ZCCHC24: variants seen among roughly 807,000 people sequenced by gnomAD.
ZCCHC24 encodes zinc finger CCHC domain-containing protein 24.
In ZCCHC24, 10 loss-of-function variants were observed where a neutral mutation model predicts 26.2. The observed-to-expected ratio is 0.38, with a 90% confidence interval of 0.24 to 0.65. The LOEUF is 0.65. Among genes scored for constraint, ZCCHC24 ranks in the 30% least tolerant of loss-of-function variants. ZCCHC24 has a pLI of 0.54. For missense variants in ZCCHC24, 243 were observed against 329.1 expected (o/e 0.74, Z 2.03); for synonymous variants, 144 against 147.1 (o/e 0.98, Z 0.15).
chr10:79,401,592 C>A (rs544315620), intron 2 of ZCCHC24, among the ~76,000 whole-genome samples: 1 of 152,208 alleles, frequency 6.6e-6, no homozygotes, highest in African/African-American at 2.4e-5. Context: ...GGGAAGGGGC[C>A]GCTGTTCTCA....
chr10:79,384,218 G>A lies in ZCCHC24; in HGVS notation c.*2127C>T, dbSNP rs2132168266. 1 of 152,530 alleles carries A rather than the reference G, an allele frequency of 6.6e-6. No homozygotes were observed. The highest frequency in any genetic ancestry group is 1.5e-5 in the Non-Finnish European group (1 of 68,078). The allele number at this position is 152,530 out of a possible 1,614,324, so 9.4% of individuals were successfully genotyped here. Reference sequence around the variant, plus strand: ...TGGGGTGATATCCCAACTCCCCTTAGCCCGTGCAGGGAAGCCCTGGCCTCC... The same window carrying A: ...TGGGGTGATATCCCAACTCCCCTTAACCCGTGCAGGGAAGCCCTGGCCTCC... On this transcript the variant is annotated 3_prime_UTR_variant, in exon 4 of 4. Coordinates refer to ENST00000372336, the MANE Select transcript of ZCCHC24 (RefSeq NM_153367.4).
At chr10:79,431,941 G>A (rs1353026957) in intron 2 of ZCCHC24, among the ~76,000 whole-genome samples, 1 of 152,220 alleles carries the variant, frequency 6.6e-6, no homozygotes, top group Non-Finnish European at 1.5e-5. Flanking sequence ...GGCCCACTCT[G>A]TCATACTGAA....
At chr10:79,394,614 G>A (rs1856520855) in intron 2 of ZCCHC24, 174 bp from the exon 3 acceptor site, 21 of 985,334 alleles carry the variant, frequency 2.1e-5, no homozygotes, top group Admixed American at 6.1e-5. Flanking sequence ...ACGGGAATCC[G>A]AAGGCTGGGA....
intron 2 of ZCCHC24, among the ~76,000 whole-genome samples, chr10:79,413,145 G>A (rs1052446884): frequency 3.9e-5 from 6 of 152,228 alleles, no homozygotes; most frequent in Non-Finnish European, 8.8e-5. Context: ...ACCAGTGGGC[G>A]GTGGATGTGA....
intron 2 of ZCCHC24, among the ~76,000 whole-genome samples, chr10:79,419,184 A>G (rs1433602644): frequency 6.6e-6 from 1 of 152,214 alleles, no homozygotes; most frequent in Non-Finnish European, 1.5e-5. Context: ...CCCATCAGGT[A>G]CATGAGCCTC....
chr10:79,435,337 C>A (rs548157387), intron 1 of ZCCHC24, among the ~76,000 whole-genome samples: 2 of 152,126 alleles, frequency 1.3e-5, no homozygotes, highest in African/African-American at 4.8e-5. Context: ...GCACTAATTA[C>A]ACCCTGAAAA....
At chr10:79,403,643 GC>G (rs1176043252) in intron 2 of ZCCHC24, 1 of 970,326 alleles carries the variant, frequency 1.0e-6, no homozygotes, top group African/African-American at 1.8e-5. Context: ...TCTGCGCACA[GC>G]CGTCCTCGCC....
intron 2 of ZCCHC24, among the ~76,000 whole-genome samples, chr10:79,421,769 G>A (rs1027182624): frequency 2.0e-5 from 3 of 152,070 alleles, no homozygotes; most frequent in African/African-American, 7.2e-5. Flanking sequence ...TGGGATTATA[G>A]GTGTGCGCCA....
chr10:79,389,161 C>T (rs1471626171), intron 3 of ZCCHC24, among the ~76,000 whole-genome samples: 1 of 152,220 alleles, frequency 6.6e-6, no homozygotes, highest in Non-Finnish European at 1.5e-5. Context: ...AGGCACAGCG[C>T]TCTCCCCTGG....
In ZCCHC24 at chr10:79,383,666, TACAG is replaced by T. The variant is rs1428387348; in HGVS notation, c.*2675_*2678del. The T allele has an allele frequency of 6.6e-6, 1 of 151,486 alleles. No homozygotes were observed. Among genetic ancestry groups the T allele is most frequent in the Non-Finnish European group, 1.5e-5 (1 of 67,880 alleles). 9.4% of individuals were successfully genotyped at this position (151,486 alleles called of 1,614,324 possible). On this transcript the variant is annotated 3_prime_UTR_variant, in exon 4 of 4. Coordinates refer to ENST00000372336, the MANE Select transcript of ZCCHC24 (RefSeq NM_153367.4). The stretch of plus-strand genomic sequence containing the variant: ...TTTTAAAAAAAGGCCCTCAAATATA[TACAG>T]ACAAAAAATTACTGTGAAGATTTTT...
intron 2 of ZCCHC24, among the ~76,000 whole-genome samples, chr10:79,423,583 A>ATATATATATT (rs1554841866): frequency 2.1e-4 from 14 of 65,428 alleles, no homozygotes; most frequent in African/African-American, 7.9e-4. Context: ...TATATATACT[A>ATATATATATT]TATATATATA....
rs538221030 is a variant in ZCCHC24, at chr10:79,412,823, T to C, written c.448-18383A>G. Among the ~76,000 whole-genome samples, 5 of 152,282 alleles carry C rather than the reference T, an allele frequency of 3.3e-5. No homozygotes were observed. The East Asian group carries it at 9.6e-4, about 29-fold the overall frequency. On this transcript the variant is annotated intron_variant, in intron 2 of 3. Coordinates refer to ENST00000372336, the MANE Select transcript of ZCCHC24 (RefSeq NM_153367.4). ...ATGCTCTGAGCCTTGGTTTCCCCCG[T>C]GTAAGTAGGGATAATAAGATCGATC... is the stretch of plus-strand genomic sequence containing the variant.
rs542290047 is a variant in ZCCHC24 at position 79,385,247 on chromosome 10, C to G, written c.*1098G>C. 6.6e-6 allele frequency: 1 copy of G among 152,218 alleles called. No individual in the cohort carries two copies. Among genetic ancestry groups the G allele is most frequent in the Admixed American group, 6.5e-5 (1 of 15,280 alleles). The allele number at this position is 152,218 out of a possible 1,614,324, so 9.4% of individuals were successfully genotyped here. A position where few individuals can be genotyped will look rare whatever the true frequency, so the allele number is the denominator to read the frequency against. On this transcript the variant is annotated 3_prime_UTR_variant, in exon 4 of 4. Coordinates refer to ENST00000372336, the MANE Select transcript of ZCCHC24 (RefSeq NM_153367.4). This position sits in a 1 kb window ranked among gnomAD's most constrained non-coding sequence, Gnocchi z 4.3. ...AAGTGAAGGGTCACGATGCGGGGTA[C>G]CTGGCACCTGGGAGGTTTCTCCCAC...
chr10:79,428,429 T>TAA (rs1404878480), intron 2 of ZCCHC24, among the ~76,000 whole-genome samples: 1 of 37,438 alleles, frequency 2.7e-5, no homozygotes, highest in Non-Finnish European at 5.7e-5. Flanking sequence ...TTTTGCAAGA[T>TAA]AAATTTCAGT....
Position 79,432,546 on chromosome 10 carries a change from G to C in ZCCHC24, c.447+12C>G, listed in dbSNP as rs769728988. The C allele has an allele frequency of 1.0e-5, 16 of 1,592,644 alleles. No individual in the cohort carries two copies. Among genetic ancestry groups the C allele is most frequent in the Non-Finnish European group, 1.3e-5 (15 of 1,169,552 alleles). On this transcript the variant is annotated intron_variant, in intron 2 of 3. Transcript: ENST00000372336. ...GAGCCCAAGAGCACCCCCTGGGCCA[G>C]GGCTGCCTTACCTGGGGGCAGTCCT...
intron 2 of ZCCHC24, chr10:79,403,437 G>C (rs757822124): frequency 9.1e-6 from 9 of 985,480 alleles, no homozygotes; most frequent in Middle Eastern, 5.2e-4. Flanking sequence ...CCACATGCAC[G>C]GCCGGGGGAG....
intron 1 of ZCCHC24, among the ~76,000 whole-genome samples, chr10:79,438,247 C>T (rs1218725522): frequency 2.0e-5 from 3 of 152,194 alleles, no homozygotes; most frequent in African/African-American, 7.2e-5. Context: ...CACGCACCCA[C>T]ACTCCTCTGT....
intron 2 of ZCCHC24, among the ~76,000 whole-genome samples, chr10:79,431,768 C>T (rs1857133228): frequency 6.6e-6 from 1 of 152,124 alleles, no homozygotes; most frequent in Admixed American, 6.5e-5. Flanking sequence ...AAAAGTAATG[C>T]CACATTATAA....
intron 2 of ZCCHC24, among the ~76,000 whole-genome samples, chr10:79,430,272 GGAA>G (rs1181382014): frequency 6.6e-6 from 1 of 152,114 alleles, no homozygotes; most frequent in Non-Finnish European, 1.5e-5. Flanking sequence ...CATGAAGGGA[GGAA>G]GAAGGTGCTT....
Sources: gnomAD v4.1 joint callset for allele counts (sites outside exome capture counted in the v4.1 genomes callset) on GRCh38, gnomAD v4.1.1 for gene constraint, Gnocchi (gnomAD v3.1) non-coding constraint, MANE v1.5 for transcripts, NCBI Gene and HGNC (gene_info 2026-07-23, HGNC 2026-07-21) for gene names.